TAS2R38: variants seen among roughly 807,000 people sequenced by gnomAD.
TAS2R38 encodes the protein taste receptor type 2 member 38.
A neutral mutation model predicts 16.4 loss-of-function variants in TAS2R38; 11 were observed. The observed-to-expected ratio is 0.67, with a 90% CI of 0.42 to 1.11. TAS2R38 has a LOEUF of 1.11. Among genes scored for constraint, TAS2R38 ranks in the 50% least tolerant of loss-of-function variants. TAS2R38 has a pLI of 0.00. For synonymous variants in TAS2R38, 149 were observed against 155.6 expected (o/e 0.96, Z 0.32); for missense variants, 364 against 395.8 (o/e 0.92, Z 0.68).
chr7:141,973,574 A>C lies in TAS2R38; in HGVS notation c.116T>G (p.Val39Gly). The change falls in exon 1 of 1, where the codon GTG (valine) becomes GGG (glycine). Residue 39 changes from valine to glycine, a missense_variant. By Grantham distance (109) the Val-to-Gly change is moderately radical (BLOSUM62 -3). Coordinates refer to ENST00000547270, the MANE Select transcript of TAS2R38 (RefSeq NM_176817.5). ...GFLTNAFVFL[V>G]NFWDVVKRQA... ...CCTCTTCACTACATCCCAAAAATTC[A>C]CCAAGAAAACGAAGGCATTGGTCAG... The C allele has an allele frequency of 6.2e-7, 1 of 1,614,088 alleles. No individual in the cohort carries two copies. The highest frequency in any genetic ancestry group is 8.5e-7 in the Non-Finnish European group (1 of 1,179,996).
chr7:141,973,536 T>C lies in TAS2R38; in HGVS notation c.154A>G (p.Asn52Asp). ...AGACACAGCAGCACACAATCACTGTTGCTCAGTGCCTGCCTCTTCACTACA... is the reference window on the plus strand; with the variant it reads ...AGACACAGCAGCACACAATCACTGTCGCTCAGTGCCTGCCTCTTCACTACA... ...WDVVKRQALSNSDCVLLCLSI... is the reference protein window; with the variant it reads ...WDVVKRQALSDSDCVLLCLSI... Residue 52 changes from asparagine to aspartate, a missense_variant, in exon 1 of 1, where the codon AAC (asparagine) becomes GAC (aspartate). Coordinates refer to ENST00000547270, the MANE Select transcript of TAS2R38 (RefSeq NM_176817.5). 1 of 1,614,124 alleles carries C rather than the reference T, an allele frequency of 6.2e-7. No homozygotes were observed. Among genetic ancestry groups the C allele is most frequent in the Non-Finnish European group, 8.5e-7 (1 of 1,180,022 alleles).
chr7:141,972,853 C>T lies in TAS2R38; in HGVS notation c.837G>A (p.Val279=), dbSNP rs1180846074. Residue 279 remains valine (V), a synonymous_variant, in exon 1 of 1, where the codon GTG becomes GTA. Transcript: ENST00000547270. ...LLILWRDKIG[V]MVCVGIMAAC... ...CTGCCATTATCCCAACACAAACCAT[C>T]ACCCCTATTTTGTCGCGCCACAGAA... is the stretch of plus-strand genomic sequence containing the variant. 1 of 1,614,038 alleles carries T rather than the reference C, an allele frequency of 6.2e-7. No individual in the cohort carries two copies. The highest frequency in any genetic ancestry group is 2.2e-5 in the East Asian group (1 of 44,886).
rs1256456328 is a variant in TAS2R38 at position 141,972,725 on chromosome 7, C to G, written c.965G>C (p.Arg322Thr). 1 of 1,613,650 alleles carries G rather than the reference C, an allele frequency of 6.2e-7. No homozygotes were observed. Among genetic ancestry groups the G allele is most frequent in the Non-Finnish European group, 8.5e-7 (1 of 1,179,782 alleles). The change falls in exon 1 of 1, where the codon AGA becomes ACA. Residue 322 changes from arginine (R) to threonine (T), a missense_variant. By Grantham distance (71) the Arg-to-Thr change is moderately conservative. Transcript: ENST00000547270. ...LLWAQSSLKVRADHKADSRTL... is the reference protein window; with the variant it reads ...LLWAQSSLKVTADHKADSRTL... Reference sequence around the variant, plus strand: ...CCGGGAATCTGCCTTGTGGTCGGCTCTTACCTTCAGGCTGCTCTGAGCCCA... The same window carrying G: ...CCGGGAATCTGCCTTGTGGTCGGCTGTTACCTTCAGGCTGCTCTGAGCCCA...
In TAS2R38 at chr7:141,973,318, G is replaced by C. The variant is rs782592505; in HGVS notation, c.372C>G (p.Phe124Leu). ...SLLYCSKLIR[F>L]SHTFLICLAS... Reference sequence around the variant, plus strand: ...CCAAGCAGATCAGGAAGGTGTGAGAGAAACGGATGAGCTTGGAGCAGTAAA... The same window carrying C: ...CCAAGCAGATCAGGAAGGTGTGAGACAAACGGATGAGCTTGGAGCAGTAAA... The change falls in exon 1 of 1, where the codon TTC (phenylalanine) becomes TTG (leucine). Residue 124 changes from phenylalanine to leucine, a missense_variant. Coordinates refer to ENST00000547270, the MANE Select transcript of TAS2R38 (RefSeq NM_176817.5). 6.2e-7 allele frequency: 1 copy of C among 1,613,990 alleles called. No homozygotes were observed. Among genetic ancestry groups the C allele is most frequent in the Non-Finnish European group, 8.5e-7 (1 of 1,180,016 alleles).
Position 141,973,226 on chromosome 7 carries a change from G to C in TAS2R38, c.464C>G (p.Thr155Ser). 6.2e-7 allele frequency: 1 copy of C among 1,614,168 alleles called. No homozygotes were observed. Among genetic ancestry groups the C allele is most frequent in the South Asian group, 1.1e-5 (1 of 91,086 alleles). Residue 155 changes from threonine (T) to serine (S), a missense_variant, in exon 1 of 1, where the codon ACT becomes AGT. Thr to Ser is a moderately conservative substitution (Grantham distance 58, BLOSUM62 1). Transcript: ENST00000547270. ...AAAAAAGCACCAAACACAGAGGACA[G>C]TGCAGATGCAGGAGCAAAGAATAAT... ...LGIILCSCIC[T>S]VLCVWCFFSR...
rs533390586 is a variant in TAS2R38, at chr7:141,973,141, G to A, written c.549C>T (p.Asn183=). The part of the protein sequence containing the change: ...VLFMNNNTRL[N]WQIKDLNLFY... ...ATAAATTGAGATCTTTAATCTGCCA[G>A]TTGAGCCTTGTATTGTTATTCATGA... Residue 183 remains asparagine (N), a synonymous_variant, in exon 1 of 1, where the codon AAC becomes AAT. Transcript: ENST00000547270. The A allele has an allele frequency of 4.0e-5, 64 of 1,614,090 alleles. No individual in the cohort carries two copies. In the South Asian group the frequency reaches 6.4e-4, roughly 16 times the overall value.
rs1554444317 is a variant in TAS2R38 at position 141,972,733 on chromosome 7, C to T, written c.957G>A (p.Leu319=). 5 of 1,614,036 alleles carry T rather than the reference C, an allele frequency of 3.1e-6. No individual in the cohort carries two copies. The highest frequency in any genetic ancestry group is 1.7e-5 in the Admixed American group (1 of 60,012). The change falls in exon 1 of 1, where the codon CTG becomes CTA. Residue 319 remains leucine, a synonymous_variant. Coordinates refer to ENST00000547270, the MANE Select transcript of TAS2R38 (RefSeq NM_176817.5). ...CTGCCTTGTGGTCGGCTCTTACCTT[C>T]AGGCTGCTCTGAGCCCAGAGCAGAA... The part of the protein sequence containing the change: ...MTILLWAQSS[L]KVRADHKADS...
In TAS2R38 at chr7:141,973,605, C is replaced by T. The variant is rs1554444448; in HGVS notation, c.85G>A (p.Gly29Arg). Residue 29 changes from glycine (G) to arginine (R), a missense_variant, in exon 1 of 1, where the codon GGG becomes AGG. By Grantham distance (125) the Gly-to-Arg change is moderately radical. Transcript: ENST00000547270. ...LFISVLEFAV[G>R]FLTNAFVFLV... The stretch of plus-strand genomic sequence containing the variant: ...AAAACGAAGGCATTGGTCAGAAACC[C>T]CACTGCAAACTCCAGGACTGAAATG... 6.2e-7 allele frequency: 1 copy of T among 1,614,104 alleles called. No individual in the cohort carries two copies. Among genetic ancestry groups the T allele is most frequent in the East Asian group, 2.2e-5 (1 of 44,890 alleles).
chr7:141,973,156 G>T lies in TAS2R38; in HGVS notation c.534C>A (p.Asn178Lys). 1.9e-6 allele frequency: 3 copies of T among 1,614,066 alleles called. No individual in the cohort carries two copies. Among genetic ancestry groups the T allele is most frequent in the Non-Finnish European group, 2.5e-6 (3 of 1,180,024 alleles). Residue 178 changes from asparagine (N) to lysine (K), a missense_variant, in exon 1 of 1, where the codon AAC (asparagine) becomes AAA (lysine). Asn to Lys is a moderately conservative substitution (Grantham distance 94, BLOSUM62 0). Transcript: ENST00000547270. ...FTVTTVLFMN[N>K]NTRLNWQIKD... ...TAATCTGCCAGTTGAGCCTTGTATT[G>T]TTATTCATGAATAGCACAGTTGTGA...
rs370330094 is a variant in TAS2R38, at chr7:141,973,669, G to C, written c.21C>G (p.Ile7Met). Residue 7 changes from isoleucine to methionine, a missense_variant, in exon 1 of 1, where the codon ATC becomes ATG. Physicochemically the swap from Ile to Met is conservative, Grantham distance 10. Transcript: ENST00000547270. Reference protein sequence around the residue: MLTLTRIRTVSYEVRST... With the variant: MLTLTRMRTVSYEVRST... ...TCCTGACTTCATAGGACACAGTGCG[G>C]ATGCGAGTTAGAGTCAACATGATGT... 14 of 1,613,386 alleles carry C rather than the reference G, an allele frequency of 8.7e-6. No individual in the cohort carries two copies. Among genetic ancestry groups the C allele is most frequent in the Non-Finnish European group, 1.2e-5 (14 of 1,179,668 alleles).
In TAS2R38 at chr7:141,972,843, C is replaced by A. The variant is rs1803390690; in HGVS notation, c.847G>T (p.Val283Phe). The change falls in exon 1 of 1, where the codon GTT becomes TTT. Residue 283 changes from valine (V) to phenylalanine (F), a missense_variant. Transcript: ENST00000547270. ...GAGGGACAAGCTGCCATTATCCCAA[C>A]ACAAACCATCACCCCTATTTTGTCG... is the stretch of plus-strand genomic sequence containing the variant. ...WRDKIGVMVC[V>F]GIMAACPSGH... The A allele has an allele frequency of 1.2e-5, 20 of 1,614,030 alleles. No homozygotes were observed. The highest frequency in any genetic ancestry group is 1.6e-5 in the Non-Finnish European group (19 of 1,180,032).
In TAS2R38 at chr7:141,973,174, A is replaced by G; in HGVS notation, c.516T>C (p.Thr172=). ...TTGTATTGTTATTCATGAATAGCACAGTTGTGACTGTGAAGTGAGGTCTGC... is the reference window on the plus strand; with the variant it reads ...TTGTATTGTTATTCATGAATAGCACGGTTGTGACTGTGAAGTGAGGTCTGC... ...FFSRPHFTVT[T]VLFMNNNTRL... The change falls in exon 1 of 1, where the codon ACT becomes ACC. Residue 172 remains threonine, a synonymous_variant. Transcript: ENST00000547270. 6.2e-7 allele frequency: 1 copy of G among 1,614,166 alleles called. No homozygotes were observed. The highest frequency in any genetic ancestry group is 8.5e-7 in the Non-Finnish European group (1 of 1,180,020).
chr7:141,972,921 CAAAG>C lies in TAS2R38; in HGVS notation c.765_768del (p.Phe255LeufsTer2). The C allele has an allele frequency of 1.2e-6, 2 of 1,614,006 alleles. No individual in the cohort carries two copies. Among genetic ancestry groups the C allele is most frequent in the Non-Finnish European group, 1.7e-6 (2 of 1,180,006 alleles). On this transcript the variant is annotated frameshift_variant, in exon 1 of 1. Transcript: ENST00000547270. LOFTEE classifies it high-confidence loss of function. ...ATGAAGGCAGCACAGGATGATATCA[CAAAG>C]AAGCAGAAAAAGGAGACAAGAGACT...
Position 141,973,333 on chromosome 7 carries a change from G to A in TAS2R38, c.357C>T (p.Ser119=). 2 of 1,613,960 alleles carry A rather than the reference G, an allele frequency of 1.2e-6. No individual in the cohort carries two copies. Among genetic ancestry groups the A allele is most frequent in the Non-Finnish European group, 1.7e-6 (2 of 1,180,012 alleles). Residue 119 remains serine (S), a synonymous_variant, in exon 1 of 1, where the codon TCC becomes TCT. Coordinates refer to ENST00000547270, the MANE Select transcript of TAS2R38 (RefSeq NM_176817.5). ...LAACLSLLYC[S]KLIRFSHTFL... ...AGGTGTGAGAGAAACGGATGAGCTT[G>A]GAGCAGTAAAGCAGGCTGAGGCAGG...
rs781904949 is a variant in TAS2R38 at position 141,973,359 on chromosome 7, C to G, written c.331G>C (p.Ala111Pro). 1 of 1,613,948 alleles carries G rather than the reference C, an allele frequency of 6.2e-7. No homozygotes were observed. Among genetic ancestry groups the G allele is most frequent in the Non-Finnish European group, 8.5e-7 (1 of 1,179,986 alleles). Residue 111 changes from alanine (A) to proline (P), a missense_variant, in exon 1 of 1, where the codon GCC becomes CCC. Transcript: ENST00000547270. ...IANQANLWLA[A>P]CLSLLYCSKL... ...GAGCAGTAAAGCAGGCTGAGGCAGG[C>G]AGCAAGCCAGAGGTTGGCTTGGTTT... is the stretch of plus-strand genomic sequence containing the variant.
chr7:141,973,109 G>T lies in TAS2R38; in HGVS notation c.581C>A (p.Ser194Tyr). The T allele has an allele frequency of 6.2e-7, 1 of 1,614,030 alleles. No individual in the cohort carries two copies. The highest frequency in any genetic ancestry group is 1.1e-5 in the South Asian group (1 of 91,050). The change falls in exon 1 of 1, where the codon TCC becomes TAC. Residue 194 changes from serine (S) to tyrosine (Y), a missense_variant. By Grantham distance (144) the Ser-to-Tyr change is moderately radical (BLOSUM62 -2). Transcript: ENST00000547270. ...WQIKDLNLFY[S>Y]FLFCYLWSVP... ...AGACCACAGATAGCAGAAGAGAAAGGAATAAAATAAATTGAGATCTTTAAT... is the reference window on the plus strand; with the variant it reads ...AGACCACAGATAGCAGAAGAGAAAGTAATAAAATAAATTGAGATCTTTAAT...
Position 141,973,144 on chromosome 7 carries a change from G to C in TAS2R38, c.546C>G (p.Leu182=). 6.2e-7 allele frequency: 1 copy of C among 1,614,112 alleles called. No individual in the cohort carries two copies. Residue 182 remains leucine, a synonymous_variant, in exon 1 of 1, where the codon CTC becomes CTG. Coordinates refer to ENST00000547270, the MANE Select transcript of TAS2R38 (RefSeq NM_176817.5). ...TVLFMNNNTR[L]NWQIKDLNLF... ...AATTGAGATCTTTAATCTGCCAGTT[G>C]AGCCTTGTATTGTTATTCATGAATA... is the stretch of plus-strand genomic sequence containing the variant.
Position 141,973,216 on chromosome 7 carries a change from A to G in TAS2R38, c.474T>C (p.Cys158=). 1.9e-6 allele frequency: 3 copies of G among 1,614,142 alleles called. No individual in the cohort carries two copies. The highest frequency in any genetic ancestry group is 2.5e-6 in the Non-Finnish European group (3 of 1,180,018). ...GAGGTCTGCTAAAAAAGCACCAAACACAGAGGACAGTGCAGATGCAGGAGC... is the reference window on the plus strand; with the variant it reads ...GAGGTCTGCTAAAAAAGCACCAAACGCAGAGGACAGTGCAGATGCAGGAGC... The part of the protein sequence containing the change: ...ILCSCICTVL[C]VWCFFSRPHF... The change falls in exon 1 of 1, where the codon TGT becomes TGC. Residue 158 remains cysteine, a synonymous_variant. Coordinates refer to ENST00000547270, the MANE Select transcript of TAS2R38 (RefSeq NM_176817.5).
Position 141,973,245 on chromosome 7 carries a change from GAAT to G in TAS2R38, c.442_444del (p.Ile148del), listed in dbSNP as rs782449246. On this transcript the variant is annotated inframe_deletion, in exon 1 of 1. Transcript: ENST00000547270. ...AGGACAGTGCAGATGCAGGAGCAAA[GAAT>G]AATACCCAGGAGCATCTGGGAGATC... 3.1e-6 allele frequency: 5 copies of G among 1,614,072 alleles called. No homozygotes were observed. In the Admixed American group the frequency reaches 8.3e-5, roughly 27 times the overall value.
Sources: allele counts gnomAD v4.1 joint callset, GRCh38; gene constraint gnomAD v4.1.1; transcripts MANE v1.5; gene names NCBI Gene and HGNC (gene_info 2026-07-23, HGNC 2026-07-21).